Variants in CUL2 observed in about 807,000 individuals in gnomAD.
The protein encoded by CUL2 is cullin-2.
CUL2 carries 22 observed loss-of-function variants against 110.2 expected under a neutral mutation model. The observed-to-expected ratio is 0.20, with a 90% confidence interval of 0.14 to 0.28. CUL2 has a LOEUF of 0.28. Among genes scored for constraint, CUL2 ranks in the 10% least tolerant of loss-of-function variants. The pLI is 1.00. For missense variants in CUL2, 631 were observed against 905.5 expected (o/e 0.70, Z 3.89); for synonymous variants, 279 against 293.2 (o/e 0.95, Z 0.49).
intron 15 of CUL2, among the ~76,000 whole-genome samples, chr10:35,029,185 G>C (rs1471290902): frequency 6.6e-6 from 1 of 152,074 alleles, no homozygotes; most frequent in Middle Eastern, 3.4e-3. Context: ...TGCCTCCCCA[G>C]TAACTGGGAT....
chr10:35,056,126 A>G (rs1480362402), intron 4 of CUL2, among the ~76,000 whole-genome samples: 3 of 152,212 alleles, frequency 2.0e-5, no homozygotes, highest in Admixed American at 6.5e-5. Context: ...TTGTGCATTC[A>G]TCTTCTCTCT....
chr10:35,086,517 G>C (rs534151552), intron 1 of CUL2, among the ~76,000 whole-genome samples: 2 of 152,122 alleles, frequency 1.3e-5, no homozygotes, highest in East Asian at 3.9e-4. Context: ...AAGCTGCTGG[G>C]CTCAAGTGAT....
At chr10:35,098,618 G>A (rs918608495) in intron 2 of CUL2, among the ~76,000 whole-genome samples, 6 of 152,084 alleles carry the variant, frequency 3.9e-5, no homozygotes, top group African/African-American at 1.2e-4. Context: ...CAAAGAAGAT[G>A]GAAGAACTTG....
At chr10:35,037,553 A>T (rs1456013301) in intron 9 of CUL2, among the ~76,000 whole-genome samples, 2 of 152,202 alleles carry the variant, frequency 1.3e-5, no homozygotes, top group African/African-American at 4.8e-5. Context: ...ATGTTGCTGT[A>T]AAAAACACGG....
intron 1 of CUL2, among the ~76,000 whole-genome samples, chr10:35,105,855 C>T (rs1039888224): frequency 4.2e-5 from 6 of 143,844 alleles, no homozygotes; most frequent in African/African-American, 1.0e-4. Flanking sequence ...CAACAAACAT[C>T]GATAAACTTT....
intron 1 of CUL2, among the ~76,000 whole-genome samples, chr10:35,116,044 T>TA (rs201841516): frequency 1.4e-4 from 21 of 150,982 alleles, no homozygotes; most frequent in South Asian, 8.4e-4. Flanking sequence ...CATTAAAGGA[T>TA]AAAAAAAAAT....
chr10:35,028,778 T>C (rs200339343), intron 16 of CUL2, 32 bp downstream of exon 16: 15 of 1,377,084 alleles, frequency 1.1e-5, no homozygotes, highest in African/African-American at 1.4e-5. Flanking sequence ...TAAAATTCCT[T>C]TAGTCTTCTA....
intron 5 of CUL2, among the ~76,000 whole-genome samples, chr10:35,050,310 G>A (rs4582914): frequency 0.026 from 3,777 of 147,386 alleles, 155 homozygotes; most frequent in African/African-American, 0.085. Context: ...ACAACAGTGC[G>A]AGACTCCGTC....
Position 35,031,638 on chromosome 10 carries a change from A to G in CUL2, c.1171-19T>C. 1 of 1,613,544 alleles carries G rather than the reference A, an allele frequency of 6.2e-7. No individual in the cohort carries two copies. The highest frequency in any genetic ancestry group is 8.5e-7 in the Non-Finnish European group (1 of 1,179,876). On this transcript the variant is annotated intron_variant, in intron 12 of 20. Transcript: ENST00000374749. The surrounding 1 kb of genome is among the most constrained non-coding windows in gnomAD (Gnocchi z 4.4). ...TAGCAAGCTCATGTAGAAATTGATA[A>G]TAAATCTTACAAAGGGTGCTTCTGT...
chr10:35,071,577 TG>T (rs1159908964), intron 1 of CUL2, among the ~76,000 whole-genome samples: 2 of 152,138 alleles, frequency 1.3e-5, no homozygotes, highest in Non-Finnish European at 2.9e-5. Flanking sequence ...GCTAATTTTT[TG>T]TATTTTTTTT....
chr10:35,047,678 G>A (rs914664409), intron 6 of CUL2, among the ~76,000 whole-genome samples: 6 of 150,258 alleles, frequency 4.0e-5, no homozygotes, highest in African/African-American at 1.2e-4. Context: ...CACACTTTTG[G>A]AGGCCGAGAA....
At chr10:35,076,770 C>G (rs1383875484) in intron 1 of CUL2, among the ~76,000 whole-genome samples, 1 of 152,018 alleles carries the variant, frequency 6.6e-6, no homozygotes, top group Admixed American at 6.6e-5. Context: ...ATATTTGTGG[C>G]CAGGCACGGT....
At position 35,088,518 on chromosome 10, in the gene CUL2, A is replaced by AG. The variant is rs1360941755; in HGVS notation, c.-23+1660_-23+1661insC. On this transcript the variant is annotated intron_variant, in intron 1 of 20. Transcript: ENST00000374749. ...CCGCCTCAAAAAAAAAAAAAAAAAA[A>AG]AAAGAAATGTAATGTGTCTTGTTTA... Among the ~76,000 whole-genome samples, 112 of 147,780 alleles carry AG rather than the reference A, an allele frequency of 7.6e-4. 1 individual carries two copies. The highest frequency in any genetic ancestry group is 2.1e-4 in the Non-Finnish European group (14 of 66,272).
chr10:35,102,550 C>A (rs2087396556), intron 1 of CUL2, among the ~76,000 whole-genome samples: 1 of 151,938 alleles, frequency 6.6e-6, no homozygotes, highest in Admixed American at 6.6e-5. Context: ...CCAGCCTGAG[C>A]AACAGAGCTA....
At chr10:35,096,879 A>G (rs1295812383) in intron 2 of CUL2, among the ~76,000 whole-genome samples, 1 of 147,968 alleles carries the variant, frequency 6.8e-6, no homozygotes, top group Non-Finnish European at 1.5e-5. Context: ...GTGCAATCTC[A>G]GCTCACTGCA....
In CUL2 at chr10:35,025,213, AAAAAAC is replaced by A. The variant is rs1276844650; in HGVS notation, c.1618-21_1618-16del. 6.4e-7 allele frequency: 1 copy of A among 1,562,384 alleles called. No individual in the cohort carries two copies. The highest frequency in any genetic ancestry group is 1.4e-5 in the African/African-American group (1 of 71,502). On this transcript the variant is annotated splice_polypyrimidine_tract_variant and intron_variant, in intron 16 of 20. Transcript: ENST00000374749. Reference sequence around the variant, plus strand: ...AATAATTCAAACTGTAAAAAAAAAAAAAAAACACACATTATTTTTAGCTACTATAAC... The same window carrying A: ...AATAATTCAAACTGTAAAAAAAAAAAACACATTATTTTTAGCTACTATAAC...
At chr10:35,092,571 C>T (rs1261489436), upstream of CUL2, among the ~76,000 whole-genome samples, 3 of 152,200 alleles carry the variant, frequency 2.0e-5, no homozygotes, top group Non-Finnish European at 4.4e-5. Context: ...AAGAAAAGCA[C>T]TTGTGTGGTT....
Position 35,049,670 on chromosome 10 carries a change from TG to T in CUL2, c.506+12del, listed in dbSNP as rs1209572212. On this transcript the variant is annotated intron_variant, in intron 6 of 20. Transcript: ENST00000374749. ...AATAAAATTGACTCAGTAAGATAAA[TG>T]TCAGCACTCACTTTTTGATTTCTCG... 2 of 1,603,970 alleles carry T rather than the reference TG, an allele frequency of 1.2e-6. No individual in the cohort carries two copies. Among genetic ancestry groups the T allele is most frequent in the African/African-American group, 2.7e-5 (2 of 74,658 alleles).
chr10:35,026,396 A>AT (rs1266566709), intron 16 of CUL2, among the ~76,000 whole-genome samples: 7 of 152,216 alleles, frequency 4.6e-5, no homozygotes, highest in Non-Finnish European at 8.8e-5. Context: ...TTTATAACAC[A>AT]TTTACAATGA....
Sources: gnomAD v4.1 joint callset for allele counts (sites outside exome capture counted in the v4.1 genomes callset) on GRCh38, gnomAD v4.1.1 for gene constraint, Gnocchi (gnomAD v3.1) non-coding constraint, MANE v1.5 for transcripts, NCBI Gene and HGNC (gene_info 2026-07-23, HGNC 2026-07-21) for gene names.